TOM1: variants seen among roughly 807,000 people sequenced by gnomAD.
The protein encoded by TOM1 is target of myb1 membrane trafficking protein, also known as target of Myb protein 1.
Under a neutral mutation model 61.3 loss-of-function variants are expected in TOM1, and 38 were observed. The observed-to-expected ratio is 0.62, with a 90% CI of 0.48 to 0.81. The LOEUF (loss-of-function observed/expected upper bound fraction) is 0.81. TOM1 is among the 40% of genes least tolerant of loss of function. The pLI is 0.00. For synonymous variants in TOM1, 270 were observed against 268.8 expected (o/e 1.00, Z -0.04); for missense variants, 591 against 659.6 (o/e 0.90, Z 1.14).
chr22:35,345,707 C>G lies in TOM1; in HGVS notation c.1225-18C>G. The G allele has an allele frequency of 6.2e-7, 1 of 1,613,970 alleles. No individual in the cohort carries two copies. Among genetic ancestry groups the G allele is most frequent in the Non-Finnish European group, 8.5e-7 (1 of 1,179,884 alleles). On this transcript the variant is annotated intron_variant, in intron 12 of 14. Coordinates refer to ENST00000449058, the MANE Select transcript of TOM1 (RefSeq NM_005488.3). ...TTGTCACCTAGGGCACTGCCTTACC[C>G]TCTGCCCTTCCTTCCAGATCCCAGT...
chr22:35,330,580 C>A, intron 8 of TOM1, 100 bp downstream of exon 8: 1 of 1,225,070 alleles, frequency 8.2e-7, no homozygotes, highest in Non-Finnish European at 1.1e-6. Context: ...AGCCTTCTCT[C>A]GTCCTCCTCT....
chr22:35,334,408 G>C lies in TOM1; in HGVS notation c.1108G>C (p.Ala370Pro). ...ACTGGAAGATGAGTTTGACATGTTTGCGCTGACACGGGGCAGCTCACTGGC... is the reference window on the plus strand; with the variant it reads ...ACTGGAAGATGAGTTTGACATGTTTCCGCTGACACGGGGCAGCTCACTGGC... ...GRLEDEFDMF[A>P]LTRGSSLADQ... Residue 370 changes from alanine (A) to proline (P), a missense_variant, in exon 11 of 15, where the codon GCG becomes CCG. Transcript: ENST00000449058. The C allele has an allele frequency of 6.2e-7, 1 of 1,614,140 alleles. No homozygotes were observed. The highest frequency in any genetic ancestry group is 8.5e-7 in the Non-Finnish European group (1 of 1,180,008).
chr22:35,337,766 C>G (rs1011158685), intron 11 of TOM1, among the ~76,000 whole-genome samples: 15 of 152,236 alleles, frequency 9.9e-5, no homozygotes, highest in African/African-American at 3.4e-4. Flanking sequence ...AATCGCAGGC[C>G]TTTCCCTTTG....
intron 10 of TOM1, 116 bp from the exon 11 acceptor site, chr22:35,334,212 A>G: frequency 7.1e-7 from 1 of 1,418,376 alleles, no homozygotes; most frequent in African/African-American, 1.4e-5. Flanking sequence ...GCATTCCCCC[A>G]CCCACACGTG....
upstream of TOM1, chr22:35,299,841 G>C (rs897805416): frequency 2.0e-6 from 3 of 1,473,206 alleles, no homozygotes; most frequent in Non-Finnish European, 2.8e-6. Context: ...CTCCTCGCCG[G>C]CCTCCGAGTG....
At chr22:35,324,626 G>T (rs978986857) in intron 6 of TOM1, among the ~76,000 whole-genome samples, 1 of 152,172 alleles carries the variant, frequency 6.6e-6, no homozygotes, top group African/African-American at 2.4e-5. Flanking sequence ...TAGGCTCACT[G>T]CAACCTCTCT....
chr22:35,330,150 G>A (rs953698868), intron 7 of TOM1, among the ~76,000 whole-genome samples, 197 bp from the exon 8 acceptor site: 4 of 152,146 alleles, frequency 2.6e-5, no homozygotes, highest in African/African-American at 9.7e-5. Context: ...CAGGCGTGGT[G>A]GCAGACGCCT....
At chr22:35,320,570 A>G (rs1489125654) in intron 2 of TOM1, among the ~76,000 whole-genome samples, 1 of 151,872 alleles carries the variant, frequency 6.6e-6, no homozygotes, top group Non-Finnish European at 1.5e-5. Flanking sequence ...TCTGACCTTG[A>G]CCCAAACTGC....
intron 1 of TOM1, among the ~76,000 whole-genome samples, chr22:35,304,700 G>A (rs918334063): frequency 1.3e-5 from 2 of 152,094 alleles, no homozygotes; most frequent in African/African-American, 4.8e-5. Context: ...GGATGGTCTC[G>A]ATCTCCTGAC....
At chr22:35,310,734 C>T (rs557831070) in intron 1 of TOM1, among the ~76,000 whole-genome samples, 1 of 152,286 alleles carries the variant, frequency 6.6e-6, no homozygotes, top group South Asian at 2.1e-4. Flanking sequence ...ACAGGTACTG[C>T]AGGTTTATCA....
At chr22:35,308,134 G>A (rs920228333) in intron 1 of TOM1, among the ~76,000 whole-genome samples, 2 of 152,098 alleles carry the variant, frequency 1.3e-5, no homozygotes, top group African/African-American at 4.8e-5. Flanking sequence ...TCTCCAGCCT[G>A]CCAGCTCACC....
At chr22:35,338,639 C>A in intron 11 of TOM1, 74 bp from the exon 12 acceptor site, 1 of 1,280,614 alleles carries the variant, frequency 7.8e-7, no homozygotes, top group South Asian at 1.6e-5. Context: ...CAATCTGTGC[C>A]CCCCAGCCCG....
At chr22:35,302,507 T>G (rs1349123963) in intron 1 of TOM1, among the ~76,000 whole-genome samples, 1 of 152,022 alleles carries the variant, frequency 6.6e-6, no homozygotes, top group African/African-American at 2.4e-5. Context: ...CGACTAATTT[T>G]GTATTTTTAA....
At position 35,327,358 on chromosome 22, in the gene TOM1, G is replaced by T. The variant is rs202150969; in HGVS notation, c.736G>T (p.Ala246Ser). 6.6e-5 allele frequency: 106 copies of T among 1,613,638 alleles called. No homozygotes were observed. In the African/African-American group the frequency reaches 1.3e-3, roughly 20 times the overall value. Residue 246 changes from alanine to serine, a missense_variant, in exon 7 of 15, where the codon GCC (alanine) becomes TCC (serine). Physicochemically the swap from Ala to Ser is moderately conservative, Grantham distance 99. Transcript: ENST00000449058. The part of the protein sequence containing the change: ...EMLTELVPTQ[A>S]EPADLELLQE... ...GCTGACGGAGCTGGTGCCCACCCAGGCCGAGCCCGCAGACCTGGAGCTGCT... is the reference window on the plus strand; with the variant it reads ...GCTGACGGAGCTGGTGCCCACCCAGTCCGAGCCCGCAGACCTGGAGCTGCT...
chr22:35,334,217 C>A, intron 10 of TOM1, 111 bp from the exon 11 acceptor site: 1 of 1,448,384 alleles, frequency 6.9e-7, no homozygotes. Flanking sequence ...CCCCCACCCA[C>A]ACGTGCCACT....
chr22:35,338,625 C>A, intron 11 of TOM1, 88 bp from the exon 12 acceptor site: 3 of 1,061,898 alleles, frequency 2.8e-6, no homozygotes, highest in Non-Finnish European at 3.9e-6. Context: ...AGGATGGGAG[C>A]CGTCAATCTG....
intron 7 of TOM1, among the ~76,000 whole-genome samples, chr22:35,329,207 C>G (rs140480886): frequency 1.3e-5 from 2 of 152,202 alleles, no homozygotes; most frequent in East Asian, 3.8e-4. Flanking sequence ...CCACCCGCCT[C>G]GGCCTCCCCA....
At chr22:35,315,003 A>C (rs1412892614) in intron 1 of TOM1, among the ~76,000 whole-genome samples, 1 of 152,172 alleles carries the variant, frequency 6.6e-6, no homozygotes, top group Non-Finnish European at 1.5e-5. Context: ...AAATATTATT[A>C]TTGTGGAAGG....
chr22:35,338,923 C>A, intron 12 of TOM1, 135 bp downstream of exon 12: 1 of 831,098 alleles, frequency 1.2e-6, no homozygotes, highest in Non-Finnish European at 1.8e-6. Flanking sequence ...GCCGTCAGGT[C>A]GGTTCTTTTT....
Sources: allele counts gnomAD v4.1 joint callset (sites outside exome capture counted in the v4.1 genomes callset), GRCh38; gene constraint gnomAD v4.1.1; transcripts MANE v1.5; gene names NCBI Gene and HGNC (gene_info 2026-07-23, HGNC 2026-07-21).